GMDS: variants seen among roughly 807,000 people sequenced by gnomAD.
The protein encoded by GMDS is GDP-mannose 4,6 dehydratase.
A neutral mutation model predicts 49.9 loss-of-function variants in GMDS; 20 were observed. The observed-to-expected ratio is 0.40, with a 90% CI of 0.28 to 0.58. The LOEUF is 0.58. GMDS is among the 20% of genes least tolerant of loss of function. GMDS has a pLI of 0.42. For missense variants in GMDS, 362 were observed against 481.4 expected, an observed-to-expected ratio of 0.75 and a Z score of 2.32; for synonymous variants, 177 against 178.6, an observed-to-expected ratio of 0.99 and a Z score of 0.07.
intron 1 of GMDS, among the ~76,000 whole-genome samples, chr6:2,148,586 A>G (rs1319053439): frequency 6.6e-6 from 1 of 151,848 alleles, no homozygotes; most frequent in Admixed American, 6.6e-5. Flanking sequence ...ACGCCTGGCT[A>G]ATTTTGTATT....
chr6:2,135,301 T>G (rs965369069), intron 1 of GMDS, among the ~76,000 whole-genome samples: 8 of 152,276 alleles, frequency 5.3e-5, no homozygotes, highest in African/African-American at 1.9e-4. Flanking sequence ...AATCCCCCCT[T>G]TAAGTATACT....
intron 7 of GMDS, among the ~76,000 whole-genome samples, chr6:1,891,022 G>A (rs985857492): frequency 2.6e-5 from 4 of 152,120 alleles, no homozygotes; most frequent in Admixed American, 2.0e-4. Context: ...AAATGTATGG[G>A]CTTATATTTT....
At chr6:1,889,306 T>C (rs1759764246) in intron 7 of GMDS, among the ~76,000 whole-genome samples, 2 of 152,174 alleles carry the variant, frequency 1.3e-5, no homozygotes, top group African/African-American at 4.8e-5. Flanking sequence ...TGACTGCCCA[T>C]TCTGTAAACC....
intron 4 of GMDS, among the ~76,000 whole-genome samples, chr6:2,065,438 G>A (rs1320957757): frequency 6.6e-6 from 1 of 152,194 alleles, no homozygotes; most frequent in African/African-American, 2.4e-5. Flanking sequence ...ACTTTGACGA[G>A]CTGAGAGAAG....
chr6:2,207,060 G>A (rs907557255), intron 1 of GMDS, among the ~76,000 whole-genome samples: 2 of 152,166 alleles, frequency 1.3e-5, no homozygotes, highest in African/African-American at 2.4e-5. Context: ...ACTCTATTAG[G>A]ATTAGGTGAA....
chr6:1,704,067 C>T (rs1273289893), intron 9 of GMDS, among the ~76,000 whole-genome samples: 1 of 152,110 alleles, frequency 6.6e-6, no homozygotes, highest in Admixed American at 6.6e-5. Context: ...GTGACAGGCA[C>T]GAGGAAGATA....
At chr6:2,202,825 G>A (rs181724410) in intron 1 of GMDS, among the ~76,000 whole-genome samples, 50 of 152,298 alleles carry the variant, frequency 3.3e-4, no homozygotes, top group African/African-American at 1.2e-3. Context: ...TGGAGAGAGG[G>A]GATGGAGCAG....
At chr6:2,088,918 G>A (rs1259717141) in intron 4 of GMDS, among the ~76,000 whole-genome samples, 1 of 152,180 alleles carries the variant, frequency 6.6e-6, no homozygotes, top group Non-Finnish European at 1.5e-5. Flanking sequence ...CTTGATAGAG[G>A]CAACATGTGC....
intron 1 of GMDS, among the ~76,000 whole-genome samples, chr6:2,210,895 G>A (rs751882280): frequency 5.9e-5 from 9 of 152,328 alleles, no homozygotes; most frequent in Non-Finnish European, 1.2e-4. Context: ...GATCATGGGG[G>A]CGGATGTCCC....
intron 1 of GMDS, among the ~76,000 whole-genome samples, chr6:2,222,450 T>C (rs1455328551): frequency 1.3e-5 from 2 of 152,320 alleles, no homozygotes; most frequent in East Asian, 3.9e-4. Flanking sequence ...ATTCGGTGCC[T>C]CATTACACAA....
At chr6:1,645,465 G>A (rs1419656692) in intron 9 of GMDS, among the ~76,000 whole-genome samples, 8 of 152,184 alleles carry the variant, frequency 5.3e-5, no homozygotes, top group South Asian at 2.1e-4. Flanking sequence ...GCATGTGCAC[G>A]GCATGCTCGA....
At chr6:2,031,828 G>A (rs1312900563) in intron 4 of GMDS, among the ~76,000 whole-genome samples, 3 of 152,172 alleles carry the variant, frequency 2.0e-5, no homozygotes, top group Non-Finnish European at 4.4e-5. Context: ...ATTTCTAAAT[G>A]CTAACAACTA....
intron 7 of GMDS, among the ~76,000 whole-genome samples, chr6:1,783,956 G>C (rs1169588735): frequency 6.6e-6 from 1 of 152,000 alleles, no homozygotes; most frequent in East Asian, 1.9e-4. Context: ...TAACTCAGTA[G>C]GTTGTGACAC....
intron 9 of GMDS, among the ~76,000 whole-genome samples, chr6:1,693,944 A>G (rs1765254242): frequency 6.6e-6 from 1 of 152,240 alleles, no homozygotes; most frequent in African/African-American, 2.4e-5. Context: ...ACTGGAACTT[A>G]GAGAGTCAAA....
At chr6:2,189,997 G>A (rs1778943497) in intron 1 of GMDS, among the ~76,000 whole-genome samples, 1 of 152,158 alleles carries the variant, frequency 6.6e-6, no homozygotes, top group East Asian at 1.9e-4. Flanking sequence ...ACCTTTTATA[G>A]ACTCCTGGCT....
intron 4 of GMDS, among the ~76,000 whole-genome samples, chr6:2,084,252 G>A (rs368103246): frequency 1.3e-4 from 20 of 152,096 alleles, no homozygotes; most frequent in Admixed American, 7.9e-4. Context: ...AGGCATCTGC[G>A]TTTGAGAGGT....
chr6:2,041,804 G>C (rs530296646), intron 4 of GMDS, among the ~76,000 whole-genome samples: 1 of 152,172 alleles, frequency 6.6e-6, no homozygotes, highest in Non-Finnish European at 1.5e-5. Flanking sequence ...AAAAGTTTCA[G>C]GTAAAAATGG....
chr6:1,897,685 G>C (rs1004413056), intron 7 of GMDS, among the ~76,000 whole-genome samples: 14 of 152,240 alleles, frequency 9.2e-5, no homozygotes, highest in Non-Finnish European at 1.9e-4. Context: ...TTCTCTTTTA[G>C]CTACTTTGAA....
chr6:1,944,175 T>C (rs945952642), intron 6 of GMDS, among the ~76,000 whole-genome samples: 1 of 152,152 alleles, frequency 6.6e-6, no homozygotes, highest in Non-Finnish European at 1.5e-5. Context: ...CTCGGAAGTG[T>C]AGTGACATTT....
Sources: gnomAD v4.1 joint callset for allele counts (sites outside exome capture counted in the v4.1 genomes callset) on GRCh38, gnomAD v4.1.1 for gene constraint, MANE v1.5 for transcripts, NCBI Gene and HGNC (gene_info 2026-07-23, HGNC 2026-07-21) for gene names.